GREB1L: variants seen among roughly 807,000 people sequenced by gnomAD.
GREB1L encodes GREB1 like retinoic acid receptor coactivator, also known as GREB1-like protein.
In GREB1L, 17 loss-of-function variants were observed where a neutral mutation model predicts 200.8. That is an observed-to-expected ratio of 0.08 (90% CI 0.06 to 0.13). The LOEUF is 0.13. Among genes scored for constraint, GREB1L ranks in the 10% least tolerant of loss-of-function variants. GREB1L has a pLI of 1.00. For missense variants in GREB1L, 1,657 were observed against 2,367.7 expected (o/e 0.70, Z 6.23); for synonymous variants, 789 against 893.0 (o/e 0.88, Z 2.08).
rs1309605818 is a variant in GREB1L at position 21,525,371 on chromosome 18, CTTTGA to C, written c.*2554_*2558del. 3 of 151,938 alleles carry C rather than the reference CTTTGA, an allele frequency of 2.0e-5. No homozygotes were observed. Among genetic ancestry groups the C allele is most frequent in the Admixed American group, 2.0e-4 (3 of 15,230 alleles). 9.4% of individuals were successfully genotyped at this position (151,938 alleles called of 1,614,324 possible). On this transcript the variant is annotated 3_prime_UTR_variant, in exon 33 of 33. Transcript: ENST00000424526. ...TTGTGTCTACTGTTATATTTTTGTC[CTTTGA>C]TTTAATTTGCTTAATGTATTAAAGT... is the stretch of plus-strand genomic sequence containing the variant.
At position 21,460,640 on chromosome 18, in the gene GREB1L, C is replaced by G. The variant is rs141557021; in HGVS notation, c.2182+6077C>G. ...CAGGCGTGAGCCACTGTGCATAGCC[C>G]TTTTTTGATTGTTTAGTTGGTTCTC... On this transcript the variant is annotated intron_variant, in intron 15 of 32. Coordinates refer to ENST00000424526, the MANE Select transcript of GREB1L (RefSeq NM_001142966.3). Among the ~76,000 whole-genome samples the G allele has an allele frequency of 1.6e-3, 236 of 152,110 alleles. 3 individuals are homozygous for G. The East Asian group carries it at 0.018, about 12-fold the overall frequency.
chr18:21,489,285 G>GC, intron 18 of GREB1L, among the ~76,000 whole-genome samples: 1 of 152,310 alleles, frequency 6.6e-6, no homozygotes, highest in South Asian at 2.1e-4. Context: ...CCTTGACGGA[G>GC]CCAGGTCTCA....
intron 7 of GREB1L, among the ~76,000 whole-genome samples, chr18:21,406,793 G>T (rs1292956499): frequency 1.3e-5 from 2 of 151,502 alleles, no homozygotes; most frequent in Non-Finnish European, 2.9e-5. Context: ...TTTGTCTTGA[G>T]TTCTACCTGC....
intron 15 of GREB1L, among the ~76,000 whole-genome samples, chr18:21,458,062 G>A (rs1195030271): frequency 6.8e-6 from 1 of 146,574 alleles, no homozygotes; most frequent in East Asian, 2.1e-4. Flanking sequence ...TCCACCTCCC[G>A]GGTTCAAGCG....
intron 1 of GREB1L, among the ~76,000 whole-genome samples, chr18:21,356,540 A>G (rs1379371242): frequency 2.6e-5 from 4 of 152,172 alleles, no homozygotes; most frequent in African/African-American, 9.7e-5. Context: ...TCCATTGTGT[A>G]TATATACCAC....
chr18:21,524,506 G>GTTTAAATATGAATGTATTTATGA lies in GREB1L; in HGVS notation c.*1704_*1705insATGATTTAAATATGAATGTATTT, dbSNP rs2037652388. On this transcript the variant is annotated 3_prime_UTR_variant, in exon 33 of 33. Transcript: ENST00000424526. ...AAGAGGTATGTTTTGAAGCAATTTG[G>GTTTAAATATGAATGTATTTATGA]TTTAAATATGAATGTATTTCACTTG... The GTTTAAATATGAATGTATTTATGA allele has an allele frequency of 6.6e-6, 1 of 152,136 alleles. No individual in the cohort carries two copies. The highest frequency in any genetic ancestry group is 2.4e-5 in the African/African-American group (1 of 41,422). The allele number at this position is 152,136 out of a possible 1,614,324, so 9.4% of individuals were successfully genotyped here.
intron 2 of GREB1L, among the ~76,000 whole-genome samples, chr18:21,378,010 A>C (rs2040146966): frequency 6.6e-6 from 1 of 152,190 alleles, no homozygotes; most frequent in Non-Finnish European, 1.5e-5. Context: ...TACAGGTACA[A>C]GCCACCATGC....
intron 1 of GREB1L, among the ~76,000 whole-genome samples, chr18:21,294,094 A>G (rs2038491916): frequency 2.0e-5 from 3 of 152,270 alleles, no homozygotes; most frequent in Non-Finnish European, 2.9e-5. Context: ...TTCTGTGACA[A>G]TGGAAATGTC....
chr18:21,462,313 G>A (rs2035078002), intron 15 of GREB1L, among the ~76,000 whole-genome samples: 1 of 152,210 alleles, frequency 6.6e-6, no homozygotes. Flanking sequence ...TAAAAGTGAC[G>A]TTTCTTAGAC....
intron 1 of GREB1L, among the ~76,000 whole-genome samples, chr18:21,279,289 A>G (rs563600195): frequency 6.6e-6 from 1 of 152,130 alleles, no homozygotes; most frequent in Admixed American, 6.5e-5. Context: ...TATTTCTCTC[A>G]TGAATATTTT....
At chr18:21,261,850 AC>A (rs1388914693) in intron 1 of GREB1L, among the ~76,000 whole-genome samples, 1 of 152,048 alleles carries the variant, frequency 6.6e-6, no homozygotes, top group Non-Finnish European at 1.5e-5. Context: ...TATTCTAAAT[AC>A]CTTTATTTTA....
At chr18:21,486,687 T>A (rs1223381345) in intron 18 of GREB1L, among the ~76,000 whole-genome samples, 1 of 152,134 alleles carries the variant, frequency 6.6e-6, no homozygotes, top group East Asian at 1.9e-4. Context: ...GAAAGAGTTT[T>A]TTTCCCTCTG....
intron 19 of GREB1L, among the ~76,000 whole-genome samples, chr18:21,492,021 G>A (rs1342685312): frequency 6.6e-6 from 1 of 151,952 alleles, no homozygotes; most frequent in East Asian, 1.9e-4. Flanking sequence ...CATGAATTAC[G>A]GGCTTGAGAC....
chr18:21,438,960 CAAAA>C (rs59125788), intron 7 of GREB1L, among the ~76,000 whole-genome samples: 4,518 of 64,602 alleles, frequency 0.07, 146 homozygotes, highest in African/African-American at 0.2. Flanking sequence ...GACTCTGTCT[CAAAA>C]AAAAAAAAAA....
At chr18:21,459,484 C>T (rs1405996351) in intron 15 of GREB1L, among the ~76,000 whole-genome samples, 1 of 151,700 alleles carries the variant, frequency 6.6e-6, no homozygotes, top group Non-Finnish European at 1.5e-5. Flanking sequence ...CAGGGTTTCA[C>T]CATGTTGGCC....
intron 7 of GREB1L, among the ~76,000 whole-genome samples, chr18:21,411,842 G>A (rs1263682441): frequency 2.0e-5 from 3 of 151,016 alleles, no homozygotes; most frequent in East Asian, 4.0e-4. Flanking sequence ...TCAGGAGATC[G>A]AGACCATCCT....
In GREB1L at chr18:21,476,299, G is replaced by A. The variant is rs116452486; in HGVS notation, c.2364-865G>A. Among the ~76,000 whole-genome samples the A allele has an allele frequency of 2.6e-3, 399 of 152,158 alleles. 1 individual carries two copies. The highest frequency in any genetic ancestry group is 9.3e-3 in the African/African-American group (388 of 41,522). ...AGCTCTTTTTCAGAAGCCAGAAAGTGTTTGATAATACTCCACAATCTGAAA... is the reference window on the plus strand; with the variant it reads ...AGCTCTTTTTCAGAAGCCAGAAAGTATTTGATAATACTCCACAATCTGAAA... On this transcript the variant is annotated intron_variant, in intron 16 of 32. Transcript: ENST00000424526.
chr18:21,514,359 A>T (rs2037343680), intron 28 of GREB1L, among the ~76,000 whole-genome samples: 1 of 152,178 alleles, frequency 6.6e-6, no homozygotes, highest in Non-Finnish European at 1.5e-5. Flanking sequence ...TGCTAAAAAT[A>T]CAAAAATTAG....
At chr18:21,432,444 G>T (rs1479623982) in intron 7 of GREB1L, among the ~76,000 whole-genome samples, 2 of 151,522 alleles carry the variant, frequency 1.3e-5, no homozygotes, top group Non-Finnish European at 2.9e-5. Context: ...TATTTTCAGA[G>T]TCTAAGTTTA....
Sources: allele counts gnomAD v4.1 joint callset (sites outside exome capture counted in the v4.1 genomes callset), GRCh38; gene constraint gnomAD v4.1.1; transcripts MANE v1.5; gene names NCBI Gene and HGNC (gene_info 2026-07-23, HGNC 2026-07-21).